MITF: variants seen among roughly 807,000 people sequenced by gnomAD.
MITF encodes the protein microphthalmia-associated transcription factor.
MITF carries 17 observed loss-of-function variants against 60.5 expected under a neutral mutation model. The observed-to-expected ratio is 0.28, with a 90% confidence interval of 0.19 to 0.42. The LOEUF is 0.42. Among genes scored for constraint, MITF ranks in the 10% least tolerant of loss-of-function variants. The pLI, the probability that MITF is intolerant of heterozygous loss-of-function variation, is 1.00. For synonymous variants in MITF, 260 were observed against 248.5 expected (o/e 1.05, Z -0.43); for missense variants, 622 against 683.5 (o/e 0.91, Z 1.00).
chr3:69,794,146 A>G (rs1350150459), intron 1 of MITF, among the ~76,000 whole-genome samples: 1 of 152,180 alleles, frequency 6.6e-6, no homozygotes, highest in Non-Finnish European at 1.5e-5. Flanking sequence ...CTTGAGCAAA[A>G]TAGCCCCATT....
chr3:69,844,900 A>C (rs758757664), intron 1 of MITF, among the ~76,000 whole-genome samples: 1 of 152,198 alleles, frequency 6.6e-6, no homozygotes, highest in Non-Finnish European at 1.5e-5. Flanking sequence ...TCATGTCACT[A>C]TGGCAACCAT....
chr3:69,854,306 G>T (rs1010741777), intron 1 of MITF, among the ~76,000 whole-genome samples: 2 of 152,104 alleles, frequency 1.3e-5, no homozygotes, highest in Non-Finnish European at 2.9e-5. Context: ...GTTGTCCTTG[G>T]TATCCTTGGG....
chr3:69,941,958 G>A (rs1559736908), intron 5 of MITF, among the ~76,000 whole-genome samples: 1 of 152,068 alleles, frequency 6.6e-6, no homozygotes, highest in Non-Finnish European at 1.5e-5. Context: ...GTTATTCTGT[G>A]AGTCAAGTTC....
intron 2 of MITF, among the ~76,000 whole-genome samples, chr3:69,888,266 T>C (rs944104215): frequency 3.3e-5 from 5 of 152,040 alleles, no homozygotes; most frequent in African/African-American, 7.2e-5. Flanking sequence ...GAAATTCTTA[T>C]TGGCTAAATT....
At chr3:69,773,310 A>G (rs765931900) in intron 1 of MITF, among the ~76,000 whole-genome samples, 5 of 152,278 alleles carry the variant, frequency 3.3e-5, no homozygotes, top group African/African-American at 4.8e-5. Context: ...AGAGGCAGAC[A>G]CTGTAAGGGT....
intron 4 of MITF, among the ~76,000 whole-genome samples, chr3:69,940,724 C>T (rs775908114): frequency 6.6e-6 from 1 of 152,044 alleles, no homozygotes; most frequent in Non-Finnish European, 1.5e-5. Context: ...TAGGGGCCAT[C>T]GTCTTTAGGG....
rs1559749017 is a variant in MITF at position 69,956,531 on chromosome 3, G to A, written c.1031+1G>A. On this transcript the variant is annotated splice_donor_variant, in intron 8 of 9. Transcript: ENST00000352241. LOFTEE classifies it high-confidence loss of function. Reference sequence around the variant, plus strand: ...CTTTGATTCCCAAGTCAAATGATCCGTGAGTACAATCGCGTGTTAATCTGC... The same window carrying A: ...CTTTGATTCCCAAGTCAAATGATCCATGAGTACAATCGCGTGTTAATCTGC... 3 of 1,608,120 alleles carry A rather than the reference G, an allele frequency of 1.9e-6. No homozygotes were observed. Among genetic ancestry groups the A allele is most frequent in the Non-Finnish European group, 2.6e-6 (3 of 1,174,632 alleles).
At chr3:69,837,327 G>A (rs2063555614) in intron 1 of MITF, among the ~76,000 whole-genome samples, 1 of 152,174 alleles carries the variant, frequency 6.6e-6, no homozygotes, top group African/African-American at 2.4e-5. Flanking sequence ...TTGAGCTTCA[G>A]TAGCGCAATA....
chr3:69,919,799 G>A (rs1236790257), intron 2 of MITF, among the ~76,000 whole-genome samples: 5 of 142,776 alleles, frequency 3.5e-5, no homozygotes, highest in South Asian at 4.6e-4. Flanking sequence ...ATGAACAGAT[G>A]AAAAATTATT....
At chr3:69,879,762 TTTC>T (rs149172174) in intron 2 of MITF, among the ~76,000 whole-genome samples, 2,434 of 152,260 alleles carry the variant, frequency 0.016, 68 homozygotes, top group African/African-American at 0.054. Context: ...ACTCTTTACT[TTTC>T]TTTTTATTTA....
At chr3:69,859,535 G>A (rs1412268038) in intron 1 of MITF, among the ~76,000 whole-genome samples, 1 of 152,140 alleles carries the variant, frequency 6.6e-6, no homozygotes, top group Non-Finnish European at 1.5e-5. Context: ...ATGGAATCAA[G>A]GGAAGGGTGG....
chr3:69,883,469 C>T (rs1294241304), intron 2 of MITF, among the ~76,000 whole-genome samples: 1 of 152,152 alleles, frequency 6.6e-6, no homozygotes. Flanking sequence ...GGCTGAACTA[C>T]TGGTCTTTCT....
chr3:69,956,362 G>A, intron 7 of MITF, 93 bp from the exon 8 acceptor site: 2 of 991,464 alleles, frequency 2.0e-6, no homozygotes, highest in Non-Finnish European at 3.2e-6. Context: ...GTCATGACCT[G>A]GAGAAGTTAA....
At chr3:69,763,245 G>T (rs544321542) in intron 1 of MITF, among the ~76,000 whole-genome samples, 2 of 152,296 alleles carry the variant, frequency 1.3e-5, no homozygotes, top group South Asian at 2.1e-4. Flanking sequence ...TGGAAGATTT[G>T]TGGGAAGGAG....
intron 1 of MITF, among the ~76,000 whole-genome samples, chr3:69,863,010 G>C (rs2064044656): frequency 6.6e-6 from 1 of 151,880 alleles, no homozygotes; most frequent in African/African-American, 2.4e-5. Flanking sequence ...GTGTGTGTGT[G>C]TTCATATGCA....
intron 1 of MITF, among the ~76,000 whole-genome samples, chr3:69,854,589 T>A (rs748649841): frequency 8.5e-5 from 13 of 152,308 alleles, no homozygotes; most frequent in Non-Finnish European, 1.9e-4. Context: ...AATGTGTGGA[T>A]GTGGAGCTTA....
chr3:69,825,267 G>A (rs990322193), intron 1 of MITF, among the ~76,000 whole-genome samples: 12 of 152,160 alleles, frequency 7.9e-5, no homozygotes, highest in Admixed American at 3.3e-4. Context: ...TCAAAGGAGC[G>A]TGAAATCAGA....
At chr3:69,861,369 A>G (rs907605383) in intron 1 of MITF, among the ~76,000 whole-genome samples, 4 of 152,342 alleles carry the variant, frequency 2.6e-5, no homozygotes, top group South Asian at 4.1e-4. Context: ...AGAACACAGG[A>G]CAAATAGATA....
At chr3:69,897,106 G>T (rs2064892611) in intron 2 of MITF, among the ~76,000 whole-genome samples, 1 of 152,158 alleles carries the variant, frequency 6.6e-6, no homozygotes, top group Non-Finnish European at 1.5e-5. Flanking sequence ...GATGAGCAGG[G>T]GCCAGGAGCT....
Sources: allele counts gnomAD v4.1 joint callset (sites outside exome capture counted in the v4.1 genomes callset), GRCh38; gene constraint gnomAD v4.1.1; transcripts MANE v1.5; gene names NCBI Gene and HGNC (gene_info 2026-07-23, HGNC 2026-07-21).